Variants in PLCH2 observed in about 807,000 individuals in gnomAD.
PLCH2 encodes the protein phospholipase C eta 2, also known as 1-phosphatidylinositol 4,5-bisphosphate phosphodiesterase eta-2.
A neutral mutation model predicts 134.7 loss-of-function variants in PLCH2; 98 were observed. The observed-to-expected ratio is 0.73, with a 90% CI of 0.62 to 0.86. The LOEUF (loss-of-function observed/expected upper bound fraction) is 0.86, where lower values mean the gene tolerates loss of function less well. Among genes scored for constraint, PLCH2 ranks in the 40% least tolerant of loss-of-function variants. The pLI, the probability that PLCH2 is intolerant of heterozygous loss-of-function variation, is 0.00. For synonymous variants in PLCH2, 974 were observed against 827.5 expected (o/e 1.18, Z -3.04); for missense variants, 1,994 against 1,986.6 (o/e 1.00, Z -0.07).
intron 1 of PLCH2, among the ~76,000 whole-genome samples, chr1:2,426,716 A>C (rs571147820): frequency 6.6e-6 from 1 of 152,180 alleles, no homozygotes; most frequent in East Asian, 1.9e-4. Flanking sequence ...CGCTGTGAGC[A>C]TGGAGGGGCC....
At chr1:2,450,635 C>T (rs1451415888) in intron 2 of PLCH2, among the ~76,000 whole-genome samples, 1 of 78,170 alleles carries the variant, frequency 1.3e-5, no homozygotes, top group Middle Eastern at 6.3e-3. Context: ...CCAACTCCCC[C>T]CCTGCCCCCC....
At chr1:2,470,974 G>A (rs1399460219) in intron 1 of PLCH2, among the ~76,000 whole-genome samples, 5 of 152,154 alleles carry the variant, frequency 3.3e-5, no homozygotes, top group Non-Finnish European at 5.9e-5. Context: ...AGTGAGGGCA[G>A]AGAGGCAGCC....
Position 2,502,198 on chromosome 1 carries a change from G to C in PLCH2, c.2748G>C (p.Pro916=). Residue 916 remains proline (P), a synonymous_variant, in exon 21 of 22, where the codon CCG becomes CCC. Coordinates refer to ENST00000378486, the MANE Select transcript of PLCH2 (RefSeq NM_014638.4). ...SLDSHAAGRP[P]ARPSVSQRIL... is the part of the protein sequence containing the mutation. The stretch of plus-strand genomic sequence containing the variant: ...ACAGTCATGCTGCTGGGCGGCCCCC[G>C]GCCCGGCCCTCCGTTAGCCAGCGGA... 1 of 1,536,430 alleles carries C rather than the reference G, an allele frequency of 6.5e-7. No homozygotes were observed. Among genetic ancestry groups the C allele is most frequent in the Non-Finnish European group, 8.7e-7 (1 of 1,143,316 alleles).
intron 4 of PLCH2, among the ~76,000 whole-genome samples, chr1:2,481,780 G>T (rs1006135683): frequency 6.6e-6 from 1 of 152,236 alleles, no homozygotes; most frequent in East Asian, 1.9e-4. Flanking sequence ...AGCTGGAGAC[G>T]GCCCCAGTTT....
intron 11 of PLCH2, 26 bp from the exon 12 acceptor site, chr1:2,494,830 T>C: frequency 7.2e-6 from 11 of 1,538,108 alleles, no homozygotes; most frequent in Non-Finnish European, 9.8e-6. Context: ...AGACTCACCT[T>C]GTCCCTGTCT....
upstream of PLCH2, among the ~76,000 whole-genome samples, chr1:2,464,218 T>TGG (rs1640953575): frequency 6.6e-6 from 1 of 151,962 alleles, no homozygotes; most frequent in Non-Finnish European, 1.5e-5. Context: ...GGGGTTCGAG[T>TGG]GTTGGCAGGG....
In PLCH2 at chr1:2,504,876, G is replaced by A. The variant is rs1643455351; in HGVS notation, c.3914G>A (p.Trp1305Ter). 6.3e-7 allele frequency: 1 copy of A among 1,593,490 alleles called. No homozygotes were observed. Among genetic ancestry groups the A allele is most frequent in the Non-Finnish European group, 8.5e-7 (1 of 1,169,700 alleles). ...RRDTLTEQLR[W>*]LTVFQQAGDI... is the part of the protein sequence containing the mutation. ...GACACCCTGACAGAGCAGCTGCGCT[G>A]GCTCACTGTCTTCCAGCAGGCAGGA... Residue 1305 changes from tryptophan to a stop codon, truncating the protein, a stop_gained, in exon 22 of 22, where the codon TGG becomes TAG. Coordinates refer to ENST00000378486, the MANE Select transcript of PLCH2 (RefSeq NM_014638.4). LOFTEE classifies it high-confidence loss of function.
At chr1:2,424,791 T>C (rs527544626), upstream of PLCH2, among the ~76,000 whole-genome samples, 8 of 152,090 alleles carry the variant, frequency 5.3e-5, no homozygotes, top group East Asian at 1.9e-4. Context: ...ATCGAGACCA[T>C]CCTGGCTAAC....
At chr1:2,477,427 G>A (rs571440387) in intron 1 of PLCH2, among the ~76,000 whole-genome samples, 59 of 152,304 alleles carry the variant, frequency 3.9e-4, no homozygotes, top group Non-Finnish European at 7.3e-4. Context: ...AAGAAGGCCC[G>A]GCCAGTACTG....
chr1:2,482,819 C>T (rs1229587912), intron 4 of PLCH2, among the ~76,000 whole-genome samples: 5 of 152,188 alleles, frequency 3.3e-5, no homozygotes, highest in African/African-American at 7.2e-5. Context: ...GGTGCCGAGC[C>T]GGCCCTGGTT....
the PLCH2 span, among the ~76,000 whole-genome samples, chr1:2,419,375 C>G: frequency 6.6e-6 from 1 of 152,200 alleles, no homozygotes; most frequent in Non-Finnish European, 1.5e-5. Context: ...TTTGCTGGTC[C>G]TTGAGTTTCC....
upstream of PLCH2, among the ~76,000 whole-genome samples, chr1:2,462,497 G>T (rs1231207469): frequency 6.6e-6 from 1 of 151,386 alleles, no homozygotes; most frequent in Non-Finnish European, 1.5e-5. Flanking sequence ...CTGATGCGTG[G>T]TCTTGTCCCC....
At chr1:2,499,446 T>C (rs1643089945) in intron 19 of PLCH2, among the ~76,000 whole-genome samples, 195 bp from the exon 20 acceptor site, 1 of 152,052 alleles carries the variant, frequency 6.6e-6, no homozygotes, top group African/African-American at 2.4e-5. Context: ...AAGAGGTCCC[T>C]GCAGGCTGGT....
chr1:2,502,354 C>G lies in PLCH2; in HGVS notation c.2904C>G (p.Pro968=), dbSNP rs566042621. Residue 968 remains proline (P), a synonymous_variant, in exon 21 of 22, where the codon CCC becomes CCG. Coordinates refer to ENST00000378486, the MANE Select transcript of PLCH2 (RefSeq NM_014638.4). Reference sequence around the variant, plus strand: ...CAGACGATGTGGTGCCCCCCGGGCCCGGACCTGCTCCGGAAGCCCCAGCCC... The same window carrying G: ...CAGACGATGTGGTGCCCCCCGGGCCGGGACCTGCTCCGGAAGCCCCAGCCC... The part of the protein sequence containing the change: ...GVADDVVPPG[P]GPAPEAPAQE... 3.8e-5 allele frequency: 58 copies of G among 1,539,738 alleles called. No individual in the cohort carries two copies. The highest frequency in any genetic ancestry group is 4.6e-5 in the Non-Finnish European group (53 of 1,144,258).
rs1465820467 is a variant in PLCH2, at chr1:2,499,120, T to C, written c.2471T>C (p.Met824Thr). 2.5e-6 allele frequency: 4 copies of C among 1,612,400 alleles called. No homozygotes were observed. Among genetic ancestry groups the C allele is most frequent in the Non-Finnish European group, 3.4e-6 (4 of 1,179,528 alleles). ...ACCTGGGAGGAGACCCTGGTTTTCA[T>C]GGTGCACATGCCGGAGATCGCGCTG... ...NPTWEETLVF[M>T]VHMPEIALVR... The change falls in exon 19 of 22, where the codon ATG becomes ACG. Residue 824 changes from methionine to threonine, a missense_variant. This residue lies in a region of PLCH2 where 1,094 missense variants were observed against 1,234.3 expected (regional missense o/e 0.89). Coordinates refer to ENST00000378486, the MANE Select transcript of PLCH2 (RefSeq NM_014638.4).
At chr1:2,468,338 G>A (rs1015706045) in intron 1 of PLCH2, among the ~76,000 whole-genome samples, 4 of 152,280 alleles carry the variant, frequency 2.6e-5, no homozygotes, top group East Asian at 1.9e-4. Flanking sequence ...GATCTGTCAC[G>A]CTTTCCTGAC....
At chr1:2,496,226 C>T (rs1002780837) in intron 13 of PLCH2, among the ~76,000 whole-genome samples, 4 of 152,154 alleles carry the variant, frequency 2.6e-5, no homozygotes, top group South Asian at 2.1e-4. Context: ...CGCTGCCACC[C>T]GGCCGACACG....
upstream of PLCH2, among the ~76,000 whole-genome samples, chr1:2,473,309 G>A (rs1418679273): frequency 6.6e-6 from 1 of 152,188 alleles, no homozygotes; most frequent in Admixed American, 6.5e-5. Flanking sequence ...AGGCAGTCAG[G>A]GTGGGCCGGT....
Position 2,495,566 on chromosome 1 carries a change from C to G in PLCH2, c.1831C>G (p.Arg611Gly). 6.5e-7 allele frequency: 1 copy of G among 1,546,614 alleles called. No individual in the cohort carries two copies. The highest frequency in any genetic ancestry group is 2.5e-5 in the East Asian group (1 of 40,802). ...TCAGGACTCCCCGGGAGGCCAGAGC[C>G]GAGGGTAGGTGCCCTGCCCCACGGG... Reference protein sequence around the residue: ...EGQDSPGGQSRGATRQKKTMK... With the variant: ...EGQDSPGGQSGGATRQKKTMK... Residue 611 changes from arginine to glycine, a missense_variant, in exon 13 of 22, where the codon CGA (arginine) becomes GGA (glycine). Around this residue, in one of 2 missense-constraint regions of PLCH2, gnomAD observed 1,094 missense variants for 1,234.3 expected, o/e 0.89. Coordinates refer to ENST00000378486, the MANE Select transcript of PLCH2 (RefSeq NM_014638.4).
Sources: gnomAD v4.1 joint callset for allele counts (sites outside exome capture counted in the v4.1 genomes callset) on GRCh38, gnomAD v4.1.1 for gene constraint, gnomAD v4.1.1 regional missense constraint, MANE v1.5 for transcripts, NCBI Gene and HGNC (gene_info 2026-07-23, HGNC 2026-07-21) for gene names.